The following NOX4 variants were observed in gnomAD, a reference collection of about 807,000 sequenced individuals.
NOX4 encodes the protein kidney oxidase-1.
A neutral mutation model predicts 87.6 loss-of-function variants in NOX4; 69 were observed. The observed-to-expected ratio is 0.79, with a 90% CI of 0.65 to 0.96. The LOEUF (loss-of-function observed/expected upper bound fraction) is 0.96, where lower values mean the gene tolerates loss of function less well. NOX4 is among the 40% of genes least tolerant of loss of function. The pLI, the probability that NOX4 is intolerant of heterozygous loss-of-function variation, is 0.00. For missense variants in NOX4, 680 were observed against 681.5 expected (o/e 1.00, Z 0.02); for synonymous variants, 275 against 238.2 (o/e 1.15, Z -1.42).
At chr11:89,423,909 A>T (rs928653885) in intron 7 of NOX4, among the ~76,000 whole-genome samples, 23 of 151,640 alleles carry the variant, frequency 1.5e-4, no homozygotes, top group African/African-American at 5.3e-4. Flanking sequence ...AAATACAATT[A>T]AAAAAAATAA....
At position 89,436,149 on chromosome 11, in the gene NOX4, G is replaced by GATAAAATAA. The variant is rs534830183; in HGVS notation, c.476-3302_476-3294dup. On this transcript the variant is annotated intron_variant, in intron 6 of 17. Transcript: ENST00000263317. ...GTACTGTTAGATGTTAAATGCTAGA[G>GATAAAATAA]ATAAAATAAATTCTGCTCTACAAAA... Among the ~76,000 whole-genome samples, 253 of 152,268 alleles carry GATAAAATAA rather than the reference G, an allele frequency of 1.7e-3. 2 individuals carry two copies. Among genetic ancestry groups the GATAAAATAA allele is most frequent in the Non-Finnish European group, 1.6e-3 (111 of 68,014 alleles).
At chr11:89,455,674 GA>G (rs1338030059) in intron 2 of NOX4, among the ~76,000 whole-genome samples, 10 of 150,448 alleles carry the variant, frequency 6.6e-5, no homozygotes, top group Admixed American at 2.0e-4. Context: ...AAAATATTAT[GA>G]AGTGGTCACT....
At position 89,400,160 on chromosome 11, in the gene NOX4, C is replaced by T. The variant is rs909642912; in HGVS notation, c.1011+55G>A. On this transcript the variant is annotated intron_variant, in intron 10 of 17. Transcript: ENST00000263317. ...TCAATGATGCTATGTTTGCTAAATT[C>T]CAAAAATTACATAAGGATAAAGGCT... The T allele has an allele frequency of 1.1e-4, 180 of 1,584,026 alleles. 1 individual carries two copies. Among genetic ancestry groups the T allele is most frequent in the Admixed American group, 6.8e-4 (39 of 56,988 alleles).
intron 9 of NOX4, among the ~76,000 whole-genome samples, chr11:89,400,949 A>T (rs1289717659): frequency 1.3e-5 from 2 of 151,908 alleles, no homozygotes; most frequent in African/African-American, 4.8e-5. Context: ...TAATAAGAAC[A>T]TAAAATAATA....
upstream of NOX4, among the ~76,000 whole-genome samples, chr11:89,496,126 G>A (rs1273546679): frequency 2.6e-5 from 4 of 152,120 alleles, no homozygotes; most frequent in East Asian, 3.9e-4. Context: ...TTCCCAAGTC[G>A]GGGGACAAGT....
At chr11:89,332,665 T>TA (rs1945525606) in intron 17 of NOX4, among the ~76,000 whole-genome samples, 1 of 151,862 alleles carries the variant, frequency 6.6e-6, no homozygotes, top group African/African-American at 2.4e-5. Flanking sequence ...GGGAACATGG[T>TA]AAAATAAGAT....
chr11:89,570,726 C>A, the NOX4 span, among the ~76,000 whole-genome samples: 1 of 152,080 alleles, frequency 6.6e-6, no homozygotes, highest in Non-Finnish European at 1.5e-5. Flanking sequence ...AGAGAGGAGG[C>A]TGAAGTGGAG....
intron 8 of NOX4, among the ~76,000 whole-genome samples, chr11:89,409,468 T>C (rs1489158830): frequency 1.3e-5 from 2 of 152,178 alleles, no homozygotes; most frequent in Admixed American, 6.5e-5. Flanking sequence ...AAATGTTCTG[T>C]ATATACTATA....
At chr11:89,504,775 A>C in the NOX4 span, among the ~76,000 whole-genome samples, 1 of 151,926 alleles carries the variant, frequency 6.6e-6, no homozygotes. Context: ...CCAGTTTCGG[A>C]GGATTTATTG....
At chr11:89,463,567 A>G (rs1271714399) in intron 2 of NOX4, among the ~76,000 whole-genome samples, 2 of 151,986 alleles carry the variant, frequency 1.3e-5, no homozygotes, top group African/African-American at 4.8e-5. Flanking sequence ...GATATTTCCA[A>G]CTTAACTGTT....
rs560155345 is a variant in NOX4, at chr11:89,416,519, T to C, written c.629+5383A>G. Among the ~76,000 whole-genome samples the C allele has an allele frequency of 9.8e-5, 15 of 152,306 alleles. 2 individuals are homozygous for C. The highest frequency in any genetic ancestry group is 9.2e-4 in the Admixed American group (14 of 15,294). ...ATCTCTATCCTCTAACAGTATATCC[T>C]TAATGTCCTCCTCCTGAGGCCCGAG... On this transcript the variant is annotated intron_variant, in intron 8 of 17. Transcript: ENST00000263317.
intron 2 of NOX4, among the ~76,000 whole-genome samples, chr11:89,454,982 G>A (rs571042046): frequency 1.3e-5 from 2 of 152,068 alleles, no homozygotes; most frequent in East Asian, 1.9e-4. Context: ...TAAAACTAAG[G>A]CAAAAAATGT....
At chr11:89,334,158 C>A (rs1945601145) in intron 17 of NOX4, among the ~76,000 whole-genome samples, 1 of 151,640 alleles carries the variant, frequency 6.6e-6, no homozygotes, top group Admixed American at 6.6e-5. Context: ...CAAAAAAATT[C>A]TTGTCAGAAG....
chr11:89,451,658 T>C, intron 3 of NOX4, 127 bp downstream of exon 3: 1 of 652,024 alleles, frequency 1.5e-6, no homozygotes, highest in Non-Finnish European at 2.8e-6. Flanking sequence ...GTGACATGTC[T>C]TTTACCATCA....
At chr11:89,566,915 C>A in the NOX4 span, among the ~76,000 whole-genome samples, 1 of 152,130 alleles carries the variant, frequency 6.6e-6, no homozygotes, top group Non-Finnish European at 1.5e-5. Context: ...CCGTGACCTC[C>A]ATATACATCC....
the NOX4 span, among the ~76,000 whole-genome samples, chr11:89,510,870 A>G: frequency 2.0e-5 from 3 of 152,000 alleles, no homozygotes; most frequent in Non-Finnish European, 4.4e-5. Flanking sequence ...AAACAAATCT[A>G]CATAAGACTG....
chr11:89,427,928 A>T (rs1943537979), intron 7 of NOX4, among the ~76,000 whole-genome samples: 1 of 152,200 alleles, frequency 6.6e-6, no homozygotes, highest in South Asian at 2.1e-4. Flanking sequence ...CAGATTCACC[A>T]AAGTTGAAAT....
intron 2 of NOX4, among the ~76,000 whole-genome samples, chr11:89,476,154 C>CTT (rs371239681): frequency 5.7e-4 from 86 of 152,092 alleles, no homozygotes; most frequent in African/African-American, 2.0e-3. Flanking sequence ...TTGTTTTCTA[C>CTT]TTTTTTATTT....
chr11:89,527,709 C>A, the NOX4 span, among the ~76,000 whole-genome samples: 1 of 152,274 alleles, frequency 6.6e-6, no homozygotes, highest in East Asian at 1.9e-4. Flanking sequence ...TGTTTGGGAA[C>A]CTGTGCCTAG....
Sources: allele counts gnomAD v4.1 joint callset (sites outside exome capture counted in the v4.1 genomes callset), GRCh38; gene constraint gnomAD v4.1.1; transcripts MANE v1.5; gene names NCBI Gene and HGNC (gene_info 2026-07-23, HGNC 2026-07-21).